Variants in ZMYM6 observed in about 807,000 individuals in gnomAD.
ZMYM6 encodes the protein zinc finger MYM-type protein 6.
ZMYM6 carries 90 observed loss-of-function variants against 134.0 expected under a neutral mutation model. The observed-to-expected ratio is 0.67, with a 90% CI of 0.57 to 0.80. ZMYM6 has a LOEUF of 0.80. ZMYM6 is among the 30% of genes least tolerant of loss of function. The pLI is 0.00. For missense variants in ZMYM6, 1,362 were observed against 1,533.9 expected (o/e 0.89, Z 1.87); for synonymous variants, 481 against 524.1 (o/e 0.92, Z 1.12).
In ZMYM6 at chr1:35,020,481, A is replaced by G. The variant is rs780887682; in HGVS notation, c.94-14T>C. On this transcript the variant is annotated splice_polypyrimidine_tract_variant and intron_variant, in intron 2 of 15. Coordinates refer to ENST00000357182, the MANE Select transcript of ZMYM6 (RefSeq NM_007167.4). ...ACATCCATACTCCTTTAAAAAAAAAAAGAAAAGAGAAAAGAGCAATGAATA... is the reference window on the plus strand; with the variant it reads ...ACATCCATACTCCTTTAAAAAAAAAGAGAAAAGAGAAAAGAGCAATGAATA... 3 of 1,571,810 alleles carry G rather than the reference A, an allele frequency of 1.9e-6. No individual in the cohort carries two copies. The highest frequency in any genetic ancestry group is 2.4e-5 in the South Asian group (2 of 84,136).
rs1267306921 is a variant in ZMYM6, at chr1:35,012,918, GTA to G, written c.796-339_796-338del. On this transcript the variant is annotated intron_variant, in intron 6 of 15. Coordinates refer to ENST00000357182, the MANE Select transcript of ZMYM6 (RefSeq NM_007167.4). ...CCCATGAACCAAAGGGTCATTCTTG[GTA>G]TAGTCTTGTACATCAATCTAGAAGA... 4 of 985,082 alleles carry G rather than the reference GTA, an allele frequency of 4.1e-6. No individual in the cohort carries two copies. The African/African-American group carries it at 7.0e-5, about 17-fold the overall frequency. 61.0% of individuals were successfully genotyped at this position (985,082 alleles called of 1,614,324 possible).
intron 6 of ZMYM6, among the ~76,000 whole-genome samples, chr1:35,014,151 C>G (rs954034057): frequency 6.6e-6 from 1 of 152,178 alleles, no homozygotes; most frequent in African/African-American, 2.4e-5. Flanking sequence ...CAAATAATTA[C>G]AATTCATTCC....
At chr1:34,993,580 C>T (rs1056262520) in intron 14 of ZMYM6, among the ~76,000 whole-genome samples, 7 of 152,194 alleles carry the variant, frequency 4.6e-5, no homozygotes, top group Admixed American at 3.9e-4. Context: ...CTTAATTCAC[C>T]TTTGCCATGT....
chr1:35,010,042 G>C (rs534973982), intron 10 of ZMYM6, among the ~76,000 whole-genome samples: 2 of 151,198 alleles, frequency 1.3e-5, no homozygotes, highest in Non-Finnish European at 2.9e-5. Flanking sequence ...CAAGAGTTTC[G>C]CTCGTCGCCC....
intron 4 of ZMYM6, among the ~76,000 whole-genome samples, chr1:35,015,939 TTC>T (rs974329473): frequency 1.7e-4 from 22 of 126,730 alleles, no homozygotes; most frequent in Non-Finnish European, 3.3e-4. Context: ...AATGAATTTT[TTC>T]TTTCTTTTTT....
intron 12 of ZMYM6, among the ~76,000 whole-genome samples, chr1:35,006,289 C>T (rs1482532680): frequency 6.6e-6 from 1 of 152,054 alleles, no homozygotes; most frequent in African/African-American, 2.4e-5. Flanking sequence ...ATTACAGGTG[C>T]GAGCTACTGC....
intron 2 of ZMYM6, chr1:35,030,226 T>C: frequency 4.9e-6 from 1 of 202,216 alleles, no homozygotes; most frequent in Non-Finnish European, 9.9e-6. Context: ...GCTCAGGAGT[T>C]TGAGACCAGC....
At position 34,987,156 on chromosome 1, in the gene ZMYM6, G is replaced by T; in HGVS notation, c.3926C>A (p.Ala1309Glu). 6.3e-7 allele frequency: 1 copy of T among 1,589,826 alleles called. No individual in the cohort carries two copies. The highest frequency in any genetic ancestry group is 2.2e-5 in the East Asian group (1 of 44,642). ...LLGSGPALRL[A>E]VTSLIPRIEK... ...TATCCTTGGAATTAAAGATGTGACT[G>T]CAAGTCTTAGGGCAGGGCCAGAACC... Residue 1309 changes from alanine (A) to glutamate (E), a missense_variant, in exon 16 of 16, where the codon GCA becomes GAA. By Grantham distance (107) the Ala-to-Glu change is moderately radical (BLOSUM62 -1). Around this residue, in one of 3 missense-constraint regions of ZMYM6, gnomAD observed 824 missense variants for 940.9 expected, o/e 0.88. Coordinates refer to ENST00000357182, the MANE Select transcript of ZMYM6 (RefSeq NM_007167.4).
intron 4 of ZMYM6, chr1:35,018,032 G>A (rs1414227795): frequency 6.6e-6 from 1 of 152,070 alleles, no homozygotes; most frequent in Non-Finnish European, 1.5e-5. Context: ...CTAATTTAGA[G>A]TATATAAATA....
At chr1:35,010,646 T>G in intron 9 of ZMYM6, 49 bp from the exon 10 acceptor site, 1 of 1,561,508 alleles carries the variant, frequency 6.4e-7, no homozygotes. Context: ...AGTTGCTTTA[T>G]CTTTAAGAAC....
At chr1:35,023,669 C>A (rs1032443650) in intron 2 of ZMYM6, among the ~76,000 whole-genome samples, 1 of 150,186 alleles carries the variant, frequency 6.7e-6, no homozygotes, top group African/African-American at 2.5e-5. Flanking sequence ...GTCACCCATG[C>A]TGGAATGCAG....
rs181349041 is a variant in ZMYM6, at chr1:35,017,114, T to C, written c.429-1952A>G. On this transcript the variant is annotated intron_variant, in intron 4 of 15. Transcript: ENST00000357182. The stretch of plus-strand genomic sequence containing the variant: ...GTTAAATAGCTTGTCAAAGTCATAT[T>C]GCTAGTAGGCAATAAAGCTGAAATA... 2.8e-4 allele frequency: 43 copies of C among 152,336 alleles called. 1 individual carries two copies. The highest frequency in any genetic ancestry group is 2.5e-3 in the Admixed American group (38 of 15,300). The allele number at this position is 152,336 out of a possible 1,614,324, so 9.4% of individuals were successfully genotyped here.
At position 34,988,894 on chromosome 1, in the gene ZMYM6, A is replaced by G. The variant is rs779349986; in HGVS notation, c.2188T>C (p.Ser730Pro). The change falls in exon 16 of 16, where the codon TCT becomes CCT. Residue 730 changes from serine (S) to proline (P), a missense_variant. Physicochemically the swap from Ser to Pro is moderately conservative, Grantham distance 74. Transcript: ENST00000357182. ...PNEKNDAELD[S>P]PPSKKKRLGF... ...AATCTTTTTTTCTTTGAAGGTGGAGAATCAAGTTCTGCATCATTTTTTTCA... is the reference window on the plus strand; with the variant it reads ...AATCTTTTTTTCTTTGAAGGTGGAGGATCAAGTTCTGCATCATTTTTTTCA... 20 of 1,612,396 alleles carry G rather than the reference A, an allele frequency of 1.2e-5. No homozygotes were observed. Among genetic ancestry groups the G allele is most frequent in the East Asian group, 2.2e-5 (1 of 44,836 alleles).
chr1:35,005,343 A>G, intron 12 of ZMYM6, 71 bp from the exon 13 acceptor site: 1 of 1,502,612 alleles, frequency 6.7e-7, no homozygotes. Context: ...TCACACTCAC[A>G]CACAAAACCC....
At chr1:35,001,419 T>A (rs923465349) in intron 14 of ZMYM6, among the ~76,000 whole-genome samples, 1 of 152,018 alleles carries the variant, frequency 6.6e-6, no homozygotes, top group Non-Finnish European at 1.5e-5. Flanking sequence ...GGAAAACATA[T>A]ATAGGGCAGC....
At chr1:35,028,983 GAGTT>G (rs1641467794) in intron 2 of ZMYM6, among the ~76,000 whole-genome samples, 1 of 151,776 alleles carries the variant, frequency 6.6e-6, no homozygotes, top group Non-Finnish European at 1.5e-5. Flanking sequence ...CTGAGGTCAG[GAGTT>G]TGAAACCAGC....
intron 14 of ZMYM6, among the ~76,000 whole-genome samples, chr1:34,997,595 G>A (rs1331223094): frequency 3.9e-5 from 6 of 152,064 alleles, no homozygotes; most frequent in Non-Finnish European, 5.9e-5. Flanking sequence ...ATGAGCCACC[G>A]CACCTGGCCC....
chr1:35,010,358 G>A lies in ZMYM6; in HGVS notation c.1492+89C>T, dbSNP rs140576336. 4.7e-3 allele frequency: 6,945 copies of A among 1,482,100 alleles called. 21 individuals carry two copies. Among genetic ancestry groups the A allele is most frequent in the Middle Eastern group, 9.5e-3 (53 of 5,596 alleles). The allele number at this position is 1,482,100 out of a possible 1,614,324, so 91.8% of individuals were successfully genotyped here. A position where few individuals can be genotyped will look rare whatever the true frequency, so the allele number is the denominator to read the frequency against. Reference sequence around the variant, plus strand: ...CTAATTACACCTTGTAAGACAAAAAGAATGTGAAAACTAATCATGGCTTAA... The same window carrying A: ...CTAATTACACCTTGTAAGACAAAAAAAATGTGAAAACTAATCATGGCTTAA... On this transcript the variant is annotated intron_variant, in intron 10 of 15. Coordinates refer to ENST00000357182, the MANE Select transcript of ZMYM6 (RefSeq NM_007167.4).
intron 2 of ZMYM6, among the ~76,000 whole-genome samples, chr1:35,023,265 G>A (rs1483756648): frequency 5.3e-5 from 8 of 151,988 alleles, no homozygotes; most frequent in Admixed American, 3.9e-4. Flanking sequence ...GCGCCACCAC[G>A]CCTGGCTAAT....
Sources: allele counts gnomAD v4.1 joint callset (sites outside exome capture counted in the v4.1 genomes callset), GRCh38; gene constraint gnomAD v4.1.1; regional missense constraint gnomAD v4.1.1; transcripts MANE v1.5; gene names NCBI Gene and HGNC (gene_info 2026-07-23, HGNC 2026-07-21).